GPR89B: variants seen among roughly 807,000 people sequenced by gnomAD.
The protein encoded by GPR89B is golgi pH regulator B.
A neutral mutation model predicts 52.4 loss-of-function variants in GPR89B; 25 were observed. The observed-to-expected ratio is 0.48, with a 90% CI of 0.35 to 0.67. The LOEUF is 0.67. Ranked by LOEUF, GPR89B falls within the 30% of genes least tolerant of loss-of-function variation. GPR89B has a pLI of 0.01. For synonymous variants in GPR89B, 52 were observed against 151.2 expected, an observed-to-expected ratio of 0.34 and a Z score of 4.81; for missense variants, 146 against 450.2, an observed-to-expected ratio of 0.32 and a Z score of 6.11.
At chr1:147,981,947 C>T (rs1196074471) in intron 10 of GPR89B, among the ~76,000 whole-genome samples, 7 of 151,840 alleles carry the variant, frequency 4.6e-5, no homozygotes, top group South Asian at 4.1e-4. Context: ...CCACCATGCC[C>T]GGCCTCGTGT....
the GPR89B span, among the ~76,000 whole-genome samples, chr1:148,008,044 C>G: frequency 2.6e-5 from 4 of 151,312 alleles, no homozygotes; most frequent in Non-Finnish European, 4.4e-5. Flanking sequence ...ACCACAGTTG[C>G]CTGCAGGTAA....
intron 1 of GPR89B, among the ~76,000 whole-genome samples, chr1:147,931,221 T>A (rs1408524432): frequency 1.3e-5 from 2 of 151,976 alleles, no homozygotes; most frequent in East Asian, 3.8e-4. Flanking sequence ...GTTAATTCTT[T>A]AATAACTGTC....
chr1:147,988,380 A>G, intron 11 of GPR89B, 52 bp from the exon 12 acceptor site: 1 of 1,557,226 alleles, frequency 6.4e-7, no homozygotes. Context: ...CTTAGCCCTT[A>G]CGTCTCTCTG....
At chr1:147,979,529 G>A (rs1658081158) in intron 10 of GPR89B, among the ~76,000 whole-genome samples, 1 of 152,228 alleles carries the variant, frequency 6.6e-6, no homozygotes, top group South Asian at 2.1e-4. Flanking sequence ...TTCCCTAGAT[G>A]CCCTTTATCA....
chr1:147,975,642 G>A (rs1372814070), intron 10 of GPR89B, among the ~76,000 whole-genome samples: 2 of 152,100 alleles, frequency 1.3e-5, no homozygotes, highest in African/African-American at 2.4e-5. Context: ...AGGGTTTTTC[G>A]TGTCTCTATC....
chr1:148,005,932 A>G, the GPR89B span, among the ~76,000 whole-genome samples: 1 of 152,004 alleles, frequency 6.6e-6, no homozygotes, highest in Admixed American at 6.6e-5. Context: ...TTGGCCTTTG[A>G]GGGACTGCTT....
chr1:147,975,043 C>T (rs2149082598), intron 10 of GPR89B, among the ~76,000 whole-genome samples: 1 of 151,726 alleles, frequency 6.6e-6, no homozygotes, highest in Middle Eastern at 3.4e-3. Flanking sequence ...GGTAGATGAG[C>T]TTTTTGATGT....
At chr1:148,000,711 A>G in the GPR89B span, among the ~76,000 whole-genome samples, 1 of 148,260 alleles carries the variant, frequency 6.7e-6, no homozygotes, top group Non-Finnish European at 1.5e-5. Flanking sequence ...AGCAAGACAG[A>G]TGGTACTTAG....
At chr1:147,934,067 G>A (rs1297219098) in intron 1 of GPR89B, among the ~76,000 whole-genome samples, 8 of 150,022 alleles carry the variant, frequency 5.3e-5, no homozygotes, top group East Asian at 2.0e-4. Context: ...TGTAGTTCCC[G>A]GCATATACCA....
At chr1:147,949,274 G>A (rs1431145954) in intron 5 of GPR89B, among the ~76,000 whole-genome samples, 1 of 151,766 alleles carries the variant, frequency 6.6e-6, no homozygotes, top group Non-Finnish European at 1.5e-5. Context: ...TGAGCTGTTG[G>A]GTACACCTCC....
intron 12 of GPR89B, among the ~76,000 whole-genome samples, chr1:147,990,961 G>C (rs1659022748): frequency 6.6e-6 from 1 of 151,816 alleles, no homozygotes; most frequent in African/African-American, 2.4e-5. Context: ...GAACTTTAGA[G>C]TAGTTTTTTC....
chr1:147,998,865 C>T, the GPR89B span, among the ~76,000 whole-genome samples: 10 of 129,100 alleles, frequency 7.7e-5, no homozygotes, highest in East Asian at 9.0e-4. Context: ...TGGACAACAG[C>T]GGGAGACTCT....
intron 1 of GPR89B, among the ~76,000 whole-genome samples, chr1:147,934,361 G>C (rs587747285): frequency 6.6e-6 from 1 of 152,208 alleles, no homozygotes; most frequent in African/African-American, 2.4e-5. Context: ...ATTTTTTGTA[G>C]AGATGGGGTT....
chr1:147,979,310 C>A (rs1470985985), intron 10 of GPR89B, among the ~76,000 whole-genome samples: 4 of 152,022 alleles, frequency 2.6e-5, no homozygotes, highest in Non-Finnish European at 5.9e-5. Context: ...CCTCCACCGA[C>A]CTTGCCAGTC....
intron 7 of GPR89B, among the ~76,000 whole-genome samples, chr1:147,962,423 C>CAAAAAA (rs1176963367): frequency 2.5e-5 from 2 of 80,936 alleles, no homozygotes; most frequent in African/African-American, 4.4e-5. Flanking sequence ...AACTCTGTCT[C>CAAAAAA]AAAAAAAAAA....
chr1:147,949,584 C>T (rs1236480076), intron 5 of GPR89B, among the ~76,000 whole-genome samples: 3 of 124,774 alleles, frequency 2.4e-5, no homozygotes, highest in Non-Finnish European at 5.0e-5. Flanking sequence ...CTGACCCCCC[C>T]ACCTCCCTCC....
intron 7 of GPR89B, among the ~76,000 whole-genome samples, chr1:147,958,059 G>A (rs1194280848): frequency 6.7e-6 from 1 of 149,728 alleles, no homozygotes; most frequent in South Asian, 2.1e-4. Flanking sequence ...GTGAGACTCC[G>A]TCTCAAAAAA....
Position 147,968,968 on chromosome 1 carries a change from A to G in GPR89B, c.816+5A>G. 2.5e-6 allele frequency: 4 copies of G among 1,592,974 alleles called. No homozygotes were observed. In the South Asian group the frequency reaches 4.5e-5, roughly 18 times the overall value. On this transcript the variant is annotated splice_donor_5th_base_variant and intron_variant, in intron 9 of 13. Transcript: ENST00000314163. ...GCTGATCTATATGCTACCAAGGTAC[A>G]GAGCAAGGAAACTGAAGTGTGGTTT...
chr1:147,982,734 G>A (rs1658361829), intron 10 of GPR89B, among the ~76,000 whole-genome samples: 1 of 142,080 alleles, frequency 7.0e-6, no homozygotes, highest in African/African-American at 2.7e-5. Flanking sequence ...AAATTACCTT[G>A]GGCAGTATGG....
Sources: allele counts gnomAD v4.1 joint callset (sites outside exome capture counted in the v4.1 genomes callset), GRCh38; gene constraint gnomAD v4.1.1; transcripts MANE v1.5; gene names NCBI Gene and HGNC (gene_info 2026-07-23, HGNC 2026-07-21).